The following PRR16 variants were observed in gnomAD, a reference collection of about 807,000 sequenced individuals.
PRR16 encodes proline rich 16.
Under a neutral mutation model 18.2 loss-of-function variants are expected in PRR16, and 6 were observed. The observed-to-expected ratio is 0.33, with a 90% CI of 0.18 to 0.65. The LOEUF (loss-of-function observed/expected upper bound fraction) is 0.65, where lower values mean the gene tolerates loss of function less well. Among genes scored for constraint, PRR16 ranks in the 30% least tolerant of loss-of-function variants. The probability of loss-of-function intolerance (pLI) is 0.74; values close to 1 mark genes in which losing one functional copy is unlikely to be tolerated. For synonymous variants in PRR16, 151 were observed against 147.8 expected (o/e 1.02, Z -0.16); for missense variants, 412 against 376.6 (o/e 1.09, Z -0.78).
At chr5:120,620,989 T>G (rs757887887) in intron 1 of PRR16, among the ~76,000 whole-genome samples, 3 of 152,192 alleles carry the variant, frequency 2.0e-5, no homozygotes, top group Non-Finnish European at 4.4e-5. Flanking sequence ...GTTTTCTCTA[T>G]GTCAGTAAAT....
At chr5:120,728,156 T>A in the PRR16 span, among the ~76,000 whole-genome samples, 1 of 151,990 alleles carries the variant, frequency 6.6e-6, no homozygotes, top group Non-Finnish European at 1.5e-5. Context: ...TGAGATTAAT[T>A]TTTTAAGTAG....
the PRR16 span, among the ~76,000 whole-genome samples, chr5:120,792,133 T>A: frequency 2.0e-5 from 3 of 152,110 alleles, no homozygotes; most frequent in African/African-American, 7.2e-5. Flanking sequence ...ATAAAATTAA[T>A]CAAGCATATG....
In PRR16 at chr5:120,596,858, G is replaced by GA. The variant is rs559552024; in HGVS notation, c.160-89087dup. Among the ~76,000 whole-genome samples the GA allele has an allele frequency of 8.4e-4, 125 of 149,626 alleles. 1 individual carries two copies. Among genetic ancestry groups the GA allele is most frequent in the African/African-American group, 2.6e-3 (108 of 40,922 alleles). On this transcript the variant is annotated intron_variant, in intron 1 of 1. Transcript: ENST00000407149. ...TCTGGTTTGTATTATATGTATTTGT[G>GA]AAAAAAAAATTATGCAACAGTCTTC...
chr5:120,532,523 T>C (rs968825614), intron 1 of PRR16, among the ~76,000 whole-genome samples: 8 of 152,122 alleles, frequency 5.3e-5, no homozygotes, highest in Middle Eastern at 3.2e-3. Flanking sequence ...TTATATGACA[T>C]CAGACTTTAT....
intron 1 of PRR16, among the ~76,000 whole-genome samples, chr5:120,499,588 A>G (rs887192007): frequency 6.6e-6 from 1 of 152,050 alleles, no homozygotes; most frequent in African/African-American, 2.4e-5. Context: ...TTCCACCACT[A>G]TAACTTACAT....
At chr5:120,770,950 T>TCTCTCTCACA in the PRR16 span, among the ~76,000 whole-genome samples, 30 of 148,966 alleles carry the variant, frequency 2.0e-4, no homozygotes, top group South Asian at 8.5e-4. Context: ...TCTCTCTCTC[T>TCTCTCTCACA]CACACACACA....
chr5:120,785,536 G>T, the PRR16 span, among the ~76,000 whole-genome samples: 1 of 149,782 alleles, frequency 6.7e-6, no homozygotes, highest in East Asian at 2.0e-4. Context: ...TGTACACATA[G>T]AAGTCTCTGT....
At chr5:120,794,097 C>G in the PRR16 span, among the ~76,000 whole-genome samples, 1 of 152,032 alleles carries the variant, frequency 6.6e-6, no homozygotes, top group Non-Finnish European at 1.5e-5. Context: ...CATTTTCCTC[C>G]CACCACCAAG....
chr5:120,628,263 A>G (rs550746919), intron 1 of PRR16, among the ~76,000 whole-genome samples: 1 of 152,106 alleles, frequency 6.6e-6, no homozygotes, highest in East Asian at 1.9e-4. Flanking sequence ...AGCAATATGC[A>G]TGGGAACTAT....
intron 1 of PRR16, among the ~76,000 whole-genome samples, chr5:120,483,135 A>T (rs779071181): frequency 2.0e-5 from 3 of 152,152 alleles, no homozygotes; most frequent in Non-Finnish European, 4.4e-5. Flanking sequence ...CTCTACTCCA[A>T]AGAGTCACTC....
intron 1 of PRR16, among the ~76,000 whole-genome samples, chr5:120,526,036 G>A (rs1751335666): frequency 6.6e-6 from 1 of 152,134 alleles, no homozygotes; most frequent in Non-Finnish European, 1.5e-5. Context: ...CCGAGAAACA[G>A]TTAGATCCAC....
chr5:120,607,203 T>A (rs1215180081), intron 1 of PRR16, among the ~76,000 whole-genome samples: 1 of 152,202 alleles, frequency 6.6e-6, no homozygotes, highest in Non-Finnish European at 1.5e-5. Flanking sequence ...AACAACATTG[T>A]TCATGTAGGC....
intron 1 of PRR16, among the ~76,000 whole-genome samples, chr5:120,612,550 G>A (rs542980749): frequency 1.3e-5 from 2 of 151,686 alleles, no homozygotes; most frequent in Non-Finnish European, 2.9e-5. Flanking sequence ...TTTATCAGGC[G>A]CTTCTACTTT....
At chr5:120,723,712 C>G in the PRR16 span, among the ~76,000 whole-genome samples, 1 of 151,884 alleles carries the variant, frequency 6.6e-6, no homozygotes, top group Non-Finnish European at 1.5e-5. Context: ...ATTTCCTGTG[C>G]TTTTGAATTG....
chr5:120,747,866 T>C, the PRR16 span, among the ~76,000 whole-genome samples: 1,676 of 152,156 alleles, frequency 0.011, 28 homozygotes, highest in African/African-American at 0.037. Context: ...CTAGACTTTA[T>C]GTAAAAAAAA....
chr5:120,596,428 C>T (rs1156387685), intron 1 of PRR16, among the ~76,000 whole-genome samples: 1 of 151,620 alleles, frequency 6.6e-6, no homozygotes, highest in Non-Finnish European at 1.5e-5. Context: ...TTTCCCTTAC[C>T]ATTGAAACTT....
chr5:120,536,535 C>T (rs1751722235), intron 1 of PRR16, among the ~76,000 whole-genome samples: 1 of 152,052 alleles, frequency 6.6e-6, no homozygotes, highest in Non-Finnish European at 1.5e-5. Context: ...TACACATATA[C>T]ATTGTATAGT....
chr5:120,717,152 CTAA>C, the PRR16 span, among the ~76,000 whole-genome samples: 1 of 152,092 alleles, frequency 6.6e-6, no homozygotes, highest in African/African-American at 2.4e-5. Context: ...TTTTTCTACA[CTAA>C]TAATTTGGAA....
the PRR16 span, among the ~76,000 whole-genome samples, chr5:120,751,607 T>C: frequency 6.6e-6 from 1 of 152,250 alleles, no homozygotes. Context: ...TCAGAGAACT[T>C]ACCTCTCAGG....
Sources: allele counts gnomAD v4.1 joint callset (sites outside exome capture counted in the v4.1 genomes callset), GRCh38; gene constraint gnomAD v4.1.1; transcripts MANE v1.5; gene names NCBI Gene and HGNC (gene_info 2026-07-23, HGNC 2026-07-21).